The following EXOSC7 variants were observed in gnomAD, a reference collection of about 807,000 sequenced individuals.
EXOSC7 encodes exosome complex component RRP42.
Under a neutral mutation model 34.3 loss-of-function variants are expected in EXOSC7, and 25 were observed. That is an observed-to-expected ratio of 0.73 (90% CI 0.53 to 1.02). EXOSC7 has a LOEUF of 1.02. Among genes scored for constraint, EXOSC7 ranks in the 50% least tolerant of loss-of-function variants. The pLI is 0.00. For missense variants in EXOSC7, 370 were observed against 368.5 expected, an observed-to-expected ratio of 1.00 and a Z score of -0.03; for synonymous variants, 130 against 143.0, an observed-to-expected ratio of 0.91 and a Z score of 0.65.
At chr3:44,990,036 A>G (rs1270988057) in intron 3 of EXOSC7, among the ~76,000 whole-genome samples, 1 of 152,148 alleles carries the variant, frequency 6.6e-6, no homozygotes, top group African/African-American at 2.4e-5. Flanking sequence ...ACTGTTCATG[A>G]TTTGCTTGAC....
At position 45,000,805 on chromosome 3, in the gene EXOSC7, C is replaced by G. The variant is rs150423228; in HGVS notation, c.421-733C>G. 1.6e-3 allele frequency among the ~76,000 whole-genome samples: 245 copies of G among 152,268 alleles called. 1 individual carries two copies. The highest frequency in any genetic ancestry group is 0.014 in the South Asian group (66 of 4,828). On this transcript the variant is annotated intron_variant, in intron 4 of 7. Coordinates refer to ENST00000265564, the MANE Select transcript of EXOSC7 (RefSeq NM_015004.4). ...TATGTTAGCAAAGATTAGAGTAACA[C>G]TTGGAGTACAATTGGGAGCTATCTG...
At chr3:44,999,816 T>C (rs1576018818) in intron 4 of EXOSC7, among the ~76,000 whole-genome samples, 1 of 152,226 alleles carries the variant, frequency 6.6e-6, no homozygotes, top group African/African-American at 2.4e-5. Context: ...AGTGGATGGG[T>C]GATATACTGA....
At chr3:45,009,101 C>T (rs1243579254) in intron 7 of EXOSC7, among the ~76,000 whole-genome samples, 1 of 152,150 alleles carries the variant, frequency 6.6e-6, no homozygotes, top group Non-Finnish European at 1.5e-5. Flanking sequence ...AGAGCCCCTG[C>T]TCCCAGCCAC....
At position 45,005,188 on chromosome 3, in the gene EXOSC7, T is replaced by C. The variant is rs1479463688; in HGVS notation, c.492-103T>C. 3.6e-6 allele frequency: 5 copies of C among 1,375,272 alleles called. No homozygotes were observed. The African/African-American group carries it at 5.7e-5, about 16-fold the overall frequency. 85.2% of individuals were successfully genotyped at this position (1,375,272 alleles called of 1,614,324 possible). ...TGATAAAGAATAGGCATAGCGTGTC[T>C]TTCTCTTGTGAGACACAGGGATTCC... On this transcript the variant is annotated intron_variant, in intron 5 of 7. Coordinates refer to ENST00000265564, the MANE Select transcript of EXOSC7 (RefSeq NM_015004.4).
intron 5 of EXOSC7, 40 bp downstream of exon 5, chr3:45,001,648 A>G: frequency 7.2e-7 from 1 of 1,384,070 alleles, no homozygotes; most frequent in Non-Finnish European, 1.0e-6. Flanking sequence ...CCTGTGGAGA[A>G]CCAGAGCAGA....
chr3:44,990,369 G>A (rs535461011), intron 3 of EXOSC7, among the ~76,000 whole-genome samples: 2 of 152,292 alleles, frequency 1.3e-5, no homozygotes, highest in African/African-American at 4.8e-5. Context: ...TTGTCAATAA[G>A]TTCAATAAGT....
intron 1 of EXOSC7, among the ~76,000 whole-genome samples, chr3:44,976,719 C>T (rs1327146269): frequency 6.6e-6 from 1 of 152,176 alleles, no homozygotes; most frequent in Non-Finnish European, 1.5e-5. Context: ...GCCTGCTTTT[C>T]CTCACCTCGT....
chr3:44,998,536 G>A (rs1706790424), intron 4 of EXOSC7, among the ~76,000 whole-genome samples: 1 of 152,198 alleles, frequency 6.6e-6, no homozygotes, highest in African/African-American at 2.4e-5. Context: ...TGAATGTGCA[G>A]ATAAAGGAGA....
chr3:45,008,614 T>C (rs1296826487), intron 7 of EXOSC7, among the ~76,000 whole-genome samples: 2 of 152,176 alleles, frequency 1.3e-5, no homozygotes, highest in Non-Finnish European at 2.9e-5. Context: ...AGGTTGTTAT[T>C]AGGATGATGT....
At chr3:44,986,394 A>G (rs1006085212) in intron 1 of EXOSC7, among the ~76,000 whole-genome samples, 10 of 152,120 alleles carry the variant, frequency 6.6e-5, no homozygotes, top group African/African-American at 2.4e-4. Flanking sequence ...CCTAGCCCAC[A>G]CCCACCCGCT....
At chr3:45,011,535 C>G (rs909507409), downstream of EXOSC7, 2 of 449,228 alleles carry the variant, frequency 4.5e-6, no homozygotes, top group African/African-American at 4.1e-5. Context: ...CCATCTGGGT[C>G]TGGCCCTTAT....
Position 44,989,858 on chromosome 3 carries a change from C to G in EXOSC7, c.254+214C>G, listed in dbSNP as rs146508818. Among the ~76,000 whole-genome samples the G allele has an allele frequency of 5.0e-4, 76 of 152,266 alleles. 5 individuals are homozygous for G. The East Asian group carries it at 0.014, about 27-fold the overall frequency. ...TCTTAACCACCTGGCTATTGCTGGCCTTGTTTTCCCTGTCCGATAAAGGAG... is the reference window on the plus strand; with the variant it reads ...TCTTAACCACCTGGCTATTGCTGGCGTTGTTTTCCCTGTCCGATAAAGGAG... On this transcript the variant is annotated intron_variant, in intron 3 of 7. Transcript: ENST00000265564.
rs964098685 is a variant in EXOSC7 at position 44,986,220 on chromosome 3, T to A, written c.58-2920T>A. On this transcript the variant is annotated intron_variant, in intron 1 of 7. Transcript: ENST00000265564. ...ACACAGGAGCACCCATGGGTGGGGG[T>A]GGGAGGGCGGGGAGGCTCCCGCATG... Among the ~76,000 whole-genome samples, 4 of 6,878 alleles carry A rather than the reference T, an allele frequency of 5.8e-4. 1 individual carries two copies. In the South Asian group the frequency reaches 0.012, roughly 20 times the overall value. 4.5% of individuals were successfully genotyped at this position (6,878 alleles called of 152,430 possible).
At chr3:45,010,661 G>A (rs1228605792) in intron 7 of EXOSC7, among the ~76,000 whole-genome samples, 4 of 151,920 alleles carry the variant, frequency 2.6e-5, no homozygotes, top group Admixed American at 1.3e-4. Context: ...GATGTGTTTC[G>A]ATTCTAACAT....
At chr3:44,983,976 G>A (rs999685584) in intron 1 of EXOSC7, among the ~76,000 whole-genome samples, 2 of 152,104 alleles carry the variant, frequency 1.3e-5, no homozygotes, top group Admixed American at 6.5e-5. Context: ...TGCATGCTTG[G>A]AAAGGAAAAT....
intron 4 of EXOSC7, 75 bp from the exon 5 acceptor site, chr3:45,001,463 C>G: frequency 5.4e-6 from 6 of 1,111,610 alleles, no homozygotes; most frequent in Non-Finnish European, 8.1e-6. Context: ...AAGCAGTGTC[C>G]TTTAACTGGG....
At chr3:45,012,427 C>G (rs2125976114), downstream of EXOSC7, 1 of 152,366 alleles carries the variant, frequency 6.6e-6, no homozygotes, top group South Asian at 2.1e-4. Flanking sequence ...AAGCAGCTGC[C>G]TAGACTTGGG....
chr3:44,987,407 A>C (rs1706451286), intron 1 of EXOSC7, among the ~76,000 whole-genome samples: 1 of 152,244 alleles, frequency 6.6e-6, no homozygotes, highest in South Asian at 2.1e-4. Flanking sequence ...ATGGAAAACA[A>C]AAATTTACAA....
At chr3:44,987,106 AAAGT>A (rs1335610114) in intron 1 of EXOSC7, among the ~76,000 whole-genome samples, 4 of 152,092 alleles carry the variant, frequency 2.6e-5, no homozygotes, top group East Asian at 1.9e-4. Flanking sequence ...AAAAAAAAAA[AAAGT>A]AAGAGTATCT....
Sources: gnomAD v4.1 joint callset for allele counts (sites outside exome capture counted in the v4.1 genomes callset) on GRCh38, gnomAD v4.1.1 for gene constraint, MANE v1.5 for transcripts, NCBI Gene and HGNC (gene_info 2026-07-23, HGNC 2026-07-21) for gene names.